Variants in SNX27 observed in about 807,000 individuals in gnomAD.
SNX27 encodes sorting nexin-27.
A neutral mutation model predicts 71.6 loss-of-function variants in SNX27; 22 were observed. That is an observed-to-expected ratio of 0.31 (90% CI 0.22 to 0.44). SNX27 has a LOEUF of 0.44. SNX27 is among the 20% of genes least tolerant of loss of function. The pLI, the probability that SNX27 is intolerant of heterozygous loss-of-function variation, is 1.00. For synonymous variants in SNX27, 269 were observed against 277.2 expected (o/e 0.97, Z 0.29); for missense variants, 531 against 698.6 (o/e 0.76, Z 2.70).
chr1:151,625,549 G>A (rs920828071), intron 1 of SNX27, among the ~76,000 whole-genome samples: 1 of 151,118 alleles, frequency 6.6e-6, no homozygotes, highest in Middle Eastern at 3.4e-3. Flanking sequence ...TATAAAGGTT[G>A]AATCTGGCCA....
chr1:151,636,342 C>T (rs1196345), intron 1 of SNX27, among the ~76,000 whole-genome samples: 4,104 of 152,158 alleles, frequency 0.027, 194 homozygotes, highest in African/African-American at 0.094. Context: ...TCTTTTGTAA[C>T]CCAGGCTGGA....
At chr1:151,656,971 A>G (rs1669725415) in intron 2 of SNX27, among the ~76,000 whole-genome samples, 2 of 152,236 alleles carry the variant, frequency 1.3e-5, no homozygotes, top group African/African-American at 4.8e-5. Flanking sequence ...CAAAAAATAT[A>G]TAAAAAGAAA....
At position 151,612,054 on chromosome 1, in the gene SNX27, C is replaced by A; in HGVS notation, c.-148C>A. 2 of 891,272 alleles carry A rather than the reference C, an allele frequency of 2.2e-6. No individual in the cohort carries two copies. The highest frequency in any genetic ancestry group is 3.2e-5 in the South Asian group (1 of 31,190). The allele number at this position is 891,272 out of a possible 1,614,324, so 55.2% of individuals were successfully genotyped here. On this transcript the variant is annotated 5_prime_UTR_variant, in exon 1 of 12. Coordinates refer to ENST00000458013, the MANE Select transcript of SNX27 (RefSeq NM_001330723.2). The surrounding 1 kb of genome is among the most constrained non-coding windows in gnomAD (Gnocchi z 5.2). ...CCCGCCCCCTGCCTCCTCTTCACCCCGCGCCAGCAGCTCGGTGGCCGAGTC... is the reference window on the plus strand; with the variant it reads ...CCCGCCCCCTGCCTCCTCTTCACCCAGCGCCAGCAGCTCGGTGGCCGAGTC...
intron 5 of SNX27, among the ~76,000 whole-genome samples, chr1:151,662,957 C>T (rs1213079026): frequency 1.3e-5 from 2 of 151,576 alleles, no homozygotes; most frequent in Non-Finnish European, 3.0e-5. Context: ...CCCATGTTAT[C>T]GGACCTGTGT....
chr1:151,627,407 T>C (rs138107463), intron 1 of SNX27, among the ~76,000 whole-genome samples: 1 of 152,262 alleles, frequency 6.6e-6, no homozygotes, highest in Non-Finnish European at 1.5e-5. Flanking sequence ...TTTAGTCTTA[T>C]GGACTCTTTT....
intron 2 of SNX27, among the ~76,000 whole-genome samples, chr1:151,647,963 G>GA (rs1669125884): frequency 6.6e-6 from 1 of 151,018 alleles, no homozygotes; most frequent in Non-Finnish European, 1.5e-5. Flanking sequence ...TGTTTGTTGA[G>GA]AAAAAATAAA....
intron 7 of SNX27, chr1:151,675,815 T>C (rs1355990543): frequency 1.3e-4 from 5 of 37,548 alleles, no homozygotes; most frequent in South Asian, 2.0e-3. Flanking sequence ...TCTTTCTTTT[T>C]TTTTTTTTTT....
At chr1:151,673,448 G>A in intron 7 of SNX27, among the ~76,000 whole-genome samples, 1 of 152,102 alleles carries the variant, frequency 6.6e-6, no homozygotes, top group Non-Finnish European at 1.5e-5. Flanking sequence ...CCTAACATAT[G>A]GTCTGCTCTT....
intron 8 of SNX27, among the ~76,000 whole-genome samples, chr1:151,690,931 A>G (rs1671412216): frequency 6.6e-6 from 1 of 152,210 alleles, no homozygotes; most frequent in Non-Finnish European, 1.5e-5. Flanking sequence ...AGCCCAGGGT[A>G]GTCTGGGCCT....
intron 3 of SNX27, 23 bp from the exon 4 acceptor site, chr1:151,660,773 CAG>C: frequency 3.8e-6 from 6 of 1,583,140 alleles, no homozygotes; most frequent in Non-Finnish European, 5.2e-6. Flanking sequence ...GGCCTTATGC[CAG>C]ATTTTATCTT....
chr1:151,661,058 A>C lies in SNX27; in HGVS notation c.801+196A>C, dbSNP rs1446491257. On this transcript the variant is annotated intron_variant, in intron 4 of 11. Coordinates refer to ENST00000458013, the MANE Select transcript of SNX27 (RefSeq NM_001330723.2). ...ACTTTCTCTTTGAAGTGCCAGGCCCACTTTCTCTTTGAAACCATCCCTGAT... is the reference window on the plus strand; with the variant it reads ...ACTTTCTCTTTGAAGTGCCAGGCCCCCTTTCTCTTTGAAACCATCCCTGAT... The C allele has an allele frequency of 1.4e-5, 7 of 511,568 alleles. No homozygotes were observed. In the East Asian group the frequency reaches 2.1e-4, roughly 16 times the overall value. The allele number at this position is 511,568 out of a possible 1,614,324, so 31.7% of individuals were successfully genotyped here.
intron 2 of SNX27, among the ~76,000 whole-genome samples, chr1:151,655,055 A>G (rs1669620578): frequency 6.6e-6 from 1 of 152,054 alleles, no homozygotes; most frequent in Non-Finnish European, 1.5e-5. Flanking sequence ...TATATTGTGA[A>G]TGCAGTGTGA....
At chr1:151,683,993 T>A (rs1209884833) in intron 8 of SNX27, among the ~76,000 whole-genome samples, 1 of 152,244 alleles carries the variant, frequency 6.6e-6, no homozygotes, top group East Asian at 1.9e-4. Flanking sequence ...ATAATAACTA[T>A]TTTTTGGTTA....
chr1:151,681,382 C>G (rs939971210), intron 7 of SNX27, among the ~76,000 whole-genome samples: 1 of 151,564 alleles, frequency 6.6e-6, no homozygotes, highest in Non-Finnish European at 1.5e-5. Context: ...GCTGGGACTA[C>G]AGGCGCCTGC....
intron 2 of SNX27, among the ~76,000 whole-genome samples, chr1:151,644,343 T>G (rs1378143967): frequency 2.6e-5 from 4 of 152,232 alleles, no homozygotes; most frequent in African/African-American, 9.6e-5. Context: ...ATCCTCTGTC[T>G]TATAGATTTG....
chr1:151,669,036 C>T (rs1670341014), intron 7 of SNX27: 1 of 154,108 alleles, frequency 6.5e-6, no homozygotes, highest in Admixed American at 6.5e-5. Flanking sequence ...CCACCTTCAC[C>T]TCTTTTAGCT....
intron 5 of SNX27, 75 bp from the exon 6 acceptor site, chr1:151,665,858 G>T (rs1290393079): frequency 1.6e-6 from 2 of 1,256,358 alleles, no homozygotes; most frequent in African/African-American, 1.5e-5. Context: ...CTCCTCCACA[G>T]ACATACACCT....
intron 2 of SNX27, among the ~76,000 whole-genome samples, chr1:151,654,351 T>C (rs1213110898): frequency 6.6e-6 from 1 of 152,278 alleles, no homozygotes; most frequent in African/African-American, 2.4e-5. Context: ...TCTTTTGCCC[T>C]TCCTTCTTAT....
chr1:151,687,544 G>C (rs572918955), intron 8 of SNX27, among the ~76,000 whole-genome samples: 3 of 152,244 alleles, frequency 2.0e-5, no homozygotes, highest in South Asian at 4.1e-4. Flanking sequence ...CTTCTATTTT[G>C]GACCTGGTTT....
Sources: gnomAD v4.1 joint callset for allele counts (sites outside exome capture counted in the v4.1 genomes callset) on GRCh38, gnomAD v4.1.1 for gene constraint, Gnocchi (gnomAD v3.1) non-coding constraint, MANE v1.5 for transcripts, NCBI Gene and HGNC (gene_info 2026-07-23, HGNC 2026-07-21) for gene names.